The following SLC1A2 variants were observed in gnomAD, a reference collection of about 807,000 sequenced individuals.
SLC1A2 encodes solute carrier family 1 member 2.
A neutral mutation model predicts 48.8 loss-of-function variants in SLC1A2; 15 were observed. The observed-to-expected ratio is 0.31, with a 90% CI of 0.21 to 0.47. The LOEUF (loss-of-function observed/expected upper bound fraction) is 0.47, where lower values mean the gene tolerates loss of function less well. Among genes scored for constraint, SLC1A2 ranks in the 20% least tolerant of loss-of-function variants. SLC1A2 has a pLI of 0.99. For synonymous variants in SLC1A2, 279 were observed against 272.6 expected, an observed-to-expected ratio of 1.02 and a Z score of -0.23; for missense variants, 502 against 730.5, an observed-to-expected ratio of 0.69 and a Z score of 3.61.
At chr11:35,378,430 G>C (rs1316921648) in intron 1 of SLC1A2, among the ~76,000 whole-genome samples, 1 of 152,234 alleles carries the variant, frequency 6.6e-6, no homozygotes, top group Non-Finnish European at 1.5e-5. Flanking sequence ...ATTGATGCTA[G>C]CTGGTCTGAA....
At chr11:35,381,232 C>T (rs1267384797) in intron 1 of SLC1A2, among the ~76,000 whole-genome samples, 9 of 152,122 alleles carry the variant, frequency 5.9e-5, no homozygotes, top group Admixed American at 5.9e-4. Flanking sequence ...GCAATCCTTT[C>T]CTACAGTGGT....
intron 1 of SLC1A2, among the ~76,000 whole-genome samples, chr11:35,336,629 C>T (rs964629325): frequency 5.9e-5 from 9 of 152,158 alleles, no homozygotes; most frequent in Non-Finnish European, 2.9e-5. Context: ...ACTAAGGCCA[C>T]CAATGTGCCT....
chr11:35,337,566 C>A (rs577256014), intron 1 of SLC1A2, among the ~76,000 whole-genome samples: 12 of 152,242 alleles, frequency 7.9e-5, no homozygotes, highest in Admixed American at 7.8e-4. Context: ...TCTAACTACA[C>A]CTGCATGTTC....
chr11:35,351,391 C>T (rs144218270), intron 1 of SLC1A2, among the ~76,000 whole-genome samples: 2 of 152,312 alleles, frequency 1.3e-5, no homozygotes, highest in Non-Finnish European at 2.9e-5. Flanking sequence ...ACCATGGATC[C>T]TGTCTGAAGA....
chr11:35,335,686 A>T (rs557135917), intron 1 of SLC1A2, among the ~76,000 whole-genome samples: 1 of 152,182 alleles, frequency 6.6e-6, no homozygotes, highest in South Asian at 2.1e-4. Context: ...AGTCTCACCC[A>T]AGTCAGTGGC....
chr11:35,357,314 G>C (rs990951965), intron 1 of SLC1A2, among the ~76,000 whole-genome samples: 9 of 150,612 alleles, frequency 6.0e-5, no homozygotes, highest in Admixed American at 2.0e-4. Flanking sequence ...ATTAATTTTA[G>C]ATCTCTATTA....
intron 6 of SLC1A2, chr11:35,297,816 TC>T (rs1193171102): frequency 6.6e-6 from 1 of 152,200 alleles, no homozygotes; most frequent in Non-Finnish European, 1.5e-5. Context: ...ATAATACTAA[TC>T]CATGTAAAGT....
chr11:35,375,478 G>A (rs1311534906), intron 1 of SLC1A2, among the ~76,000 whole-genome samples: 1 of 152,232 alleles, frequency 6.6e-6, no homozygotes. Flanking sequence ...TTTCTGAGTA[G>A]ATCTCACGAC....
chr11:35,391,982 C>A (rs910552759), intron 1 of SLC1A2, among the ~76,000 whole-genome samples: 2 of 152,174 alleles, frequency 1.3e-5, no homozygotes, highest in African/African-American at 4.8e-5. Context: ...CTATCCATTG[C>A]ACCACAGAGC....
intron 1 of SLC1A2, among the ~76,000 whole-genome samples, chr11:35,339,046 T>C (rs553868018): frequency 5.6e-4 from 86 of 152,320 alleles, no homozygotes; most frequent in African/African-American, 2.0e-3. Context: ...ATCATCTTGT[T>C]TTCTACTTAT....
intron 1 of SLC1A2, among the ~76,000 whole-genome samples, chr11:35,339,409 G>T (rs1048502121): frequency 2.6e-5 from 4 of 152,122 alleles, no homozygotes; most frequent in Non-Finnish European, 4.4e-5. Flanking sequence ...GCTTTGAAGG[G>T]GACAGACTCC....
At chr11:35,279,355 C>T (rs1227559408) in intron 9 of SLC1A2, among the ~76,000 whole-genome samples, 2 of 152,232 alleles carry the variant, frequency 1.3e-5, no homozygotes, top group African/African-American at 2.4e-5. Context: ...GAGTATTCTA[C>T]ATGAGGAAAA....
At chr11:35,387,572 T>C (rs1293389881) in intron 1 of SLC1A2, among the ~76,000 whole-genome samples, 1 of 152,252 alleles carries the variant, frequency 6.6e-6, no homozygotes, top group African/African-American at 2.4e-5. Context: ...TTGGTTGCCA[T>C]GGTAACAACT....
At chr11:35,335,694 G>A (rs940692360) in intron 1 of SLC1A2, among the ~76,000 whole-genome samples, 3 of 152,092 alleles carry the variant, frequency 2.0e-5, no homozygotes, top group African/African-American at 4.8e-5. Flanking sequence ...CCAAGTCAGT[G>A]GCTCATATCT....
At chr11:35,352,406 A>G (rs1044851901) in intron 1 of SLC1A2, 1 of 152,260 alleles carries the variant, frequency 6.6e-6, no homozygotes, top group African/African-American at 2.4e-5. Context: ...TTTAATTACC[A>G]AAAGCTCTGT....
In SLC1A2 at chr11:35,280,878, C is replaced by T. The variant is rs1850610050; in HGVS notation, c.1410G>A (p.Val470=). Residue 470 remains valine (V), a synonymous_variant, in exon 9 of 11, where the codon GTG becomes GTA. Coordinates refer to ENST00000278379, the MANE Select transcript of SLC1A2 (RefSeq NM_004171.4). ...CCACAGACACTTACAGCAGCCAGTC[C>T]ACAGCCACCAGCAGGCTGATGTCCT... The part of the protein sequence containing the change: ...PTEDISLLVA[V]DWLLDRMRTS... 1.2e-6 allele frequency: 2 copies of T among 1,609,140 alleles called. No individual in the cohort carries two copies. Among genetic ancestry groups the T allele is most frequent in the South Asian group, 2.2e-5 (2 of 90,300 alleles).
chr11:35,379,631 A>G (rs1854357686), intron 1 of SLC1A2, among the ~76,000 whole-genome samples: 1 of 152,232 alleles, frequency 6.6e-6, no homozygotes, highest in Non-Finnish European at 1.5e-5. Context: ...TTTCCCAGTG[A>G]AAAGCATATG....
chr11:35,408,514 G>A (rs1565309380), intron 1 of SLC1A2, among the ~76,000 whole-genome samples: 2 of 152,194 alleles, frequency 1.3e-5, no homozygotes, highest in African/African-American at 2.4e-5. Flanking sequence ...CTGCCGCCAT[G>A]TAAGAAATGC....
intron 10 of SLC1A2, chr11:35,261,860 A>G (rs1272444785): frequency 5.0e-6 from 2 of 396,972 alleles, no homozygotes; most frequent in African/African-American, 2.1e-5. Flanking sequence ...CACATACAAC[A>G]TGCTAGGAAC....
Sources: gnomAD v4.1 joint callset for allele counts (sites outside exome capture counted in the v4.1 genomes callset) on GRCh38, gnomAD v4.1.1 for gene constraint, MANE v1.5 for transcripts, NCBI Gene and HGNC (gene_info 2026-07-23, HGNC 2026-07-21) for gene names.